The following TSPAN18 variants were observed in gnomAD, a reference collection of about 807,000 sequenced individuals.
TSPAN18 encodes the protein tetraspanin-18.
In TSPAN18, 14 loss-of-function variants were observed where a neutral mutation model predicts 27.3. That is an observed-to-expected ratio of 0.51 (90% CI 0.34 to 0.80). The LOEUF (loss-of-function observed/expected upper bound fraction) is 0.80. TSPAN18 is among the 30% of genes least tolerant of loss of function. The pLI is 0.01. For missense variants in TSPAN18, 268 were observed against 323.9 expected (o/e 0.83, Z 1.32); for synonymous variants, 143 against 136.5 (o/e 1.05, Z -0.33).
At chr11:44,880,024 G>A (rs766713515) in intron 3 of TSPAN18, among the ~76,000 whole-genome samples, 10 of 152,226 alleles carry the variant, frequency 6.6e-5, no homozygotes, top group Non-Finnish European at 1.3e-4. Context: ...CCAAGGAGGC[G>A]ACGCTGGGGG....
chr11:44,801,588 A>G (rs1467494236), intron 2 of TSPAN18, among the ~76,000 whole-genome samples: 1 of 152,228 alleles, frequency 6.6e-6, no homozygotes, highest in Non-Finnish European at 1.5e-5. Context: ...ATATCTTCAT[A>G]AGTTAGCAGT....
chr11:44,897,843 A>G (rs545439708), intron 3 of TSPAN18: 19 of 1,289,388 alleles, frequency 1.5e-5, no homozygotes, highest in Middle Eastern at 2.1e-4. Flanking sequence ...CACATTGGCA[A>G]TAGCCTCTCC....
chr11:44,818,318 C>T (rs139917032), intron 2 of TSPAN18, among the ~76,000 whole-genome samples: 144 of 152,280 alleles, frequency 9.5e-4, no homozygotes, highest in East Asian at 3.9e-3. Flanking sequence ...TCCTCCAGGA[C>T]GCAGCCCTCC....
chr11:44,818,625 C>G (rs1856861767), intron 2 of TSPAN18, among the ~76,000 whole-genome samples: 1 of 152,170 alleles, frequency 6.6e-6, no homozygotes, highest in African/African-American at 2.4e-5. Flanking sequence ...CTGCCCTATC[C>G]CCACATCTTC....
At chr11:44,740,492 C>T (rs775818230) in intron 1 of TSPAN18, among the ~76,000 whole-genome samples, 47 of 152,166 alleles carry the variant, frequency 3.1e-4, no homozygotes, top group Non-Finnish European at 1.8e-4. Flanking sequence ...TGCTGAGGGG[C>T]TGGGACTGGG....
intron 5 of TSPAN18, among the ~76,000 whole-genome samples, chr11:44,914,574 A>T (rs910700844): frequency 6.6e-6 from 1 of 152,206 alleles, no homozygotes; most frequent in Non-Finnish European, 1.5e-5. Context: ...TGTAGAAACC[A>T]TAAGACCTCG....
At chr11:44,912,275 C>A (rs1249582024) in intron 5 of TSPAN18, among the ~76,000 whole-genome samples, 2 of 152,106 alleles carry the variant, frequency 1.3e-5, no homozygotes, top group Admixed American at 1.3e-4. Context: ...ACCGCCTCGG[C>A]CTCTCAGAGT....
At chr11:44,781,233 C>T (rs1227620599) in intron 2 of TSPAN18, among the ~76,000 whole-genome samples, 1 of 152,208 alleles carries the variant, frequency 6.6e-6, no homozygotes, top group East Asian at 1.9e-4. Flanking sequence ...GCATATTGAG[C>T]ATGGTGGGTG....
chr11:44,894,962 G>C (rs1858990181), intron 3 of TSPAN18, among the ~76,000 whole-genome samples: 1 of 152,192 alleles, frequency 6.6e-6, no homozygotes, highest in Non-Finnish European at 1.5e-5. Context: ...TGCTAACCAG[G>C]TAAATGAACT....
intron 2 of TSPAN18, among the ~76,000 whole-genome samples, chr11:44,774,993 T>C (rs1361098395): frequency 1.3e-5 from 2 of 152,188 alleles, no homozygotes; most frequent in South Asian, 2.1e-4. Context: ...CTGCTTTTTT[T>C]CCCCATCTCT....
chr11:44,848,232 C>T (rs1165263412), intron 2 of TSPAN18, among the ~76,000 whole-genome samples: 1 of 152,106 alleles, frequency 6.6e-6, no homozygotes, highest in Non-Finnish European at 1.5e-5. Context: ...GCTGACCTTG[C>T]CCCTGCCCTG....
intron 2 of TSPAN18, among the ~76,000 whole-genome samples, chr11:44,790,565 TGTGTGTGTGC>T (rs1856191965): frequency 7.0e-6 from 1 of 143,382 alleles, no homozygotes; most frequent in African/African-American, 2.5e-5. Flanking sequence ...CATGTGTTCG[TGTGTGTGTGC>T]ATGTGTGTGC....
chr11:44,747,734 A>G (rs1367089637), intron 1 of TSPAN18, among the ~76,000 whole-genome samples: 1 of 150,620 alleles, frequency 6.6e-6, no homozygotes, highest in Non-Finnish European at 1.5e-5. Context: ...TCACTCCTGC[A>G]CTCATCTCCT....
At chr11:44,792,056 A>AT (rs1346935543) in intron 2 of TSPAN18, among the ~76,000 whole-genome samples, 1 of 152,180 alleles carries the variant, frequency 6.6e-6, no homozygotes, top group African/African-American at 2.4e-5. Context: ...AGACAGTTGA[A>AT]TAGGTATTCA....
rs1158422659 is a variant in TSPAN18 at position 44,802,298 on chromosome 11, G to T, written c.-153+37786G>T. Among the ~76,000 whole-genome samples, 3 of 151,440 alleles carry T rather than the reference G, an allele frequency of 2.0e-5. No individual in the cohort carries two copies. In the East Asian group the frequency reaches 5.9e-4, roughly 30 times the overall value. On this transcript the variant is annotated intron_variant, in intron 2 of 9. Coordinates refer to ENST00000520358, the MANE Select transcript of TSPAN18 (RefSeq NM_130783.5). ...GAGATGGGTTCTGGGACCCAGAGAAGCGAAGCACAAAGTGGTTGAGGTGGG... is the reference window on the plus strand; with the variant it reads ...GAGATGGGTTCTGGGACCCAGAGAATCGAAGCACAAAGTGGTTGAGGTGGG...
At chr11:44,786,068 G>A (rs866504338) in intron 2 of TSPAN18, among the ~76,000 whole-genome samples, 3 of 152,262 alleles carry the variant, frequency 2.0e-5, no homozygotes, top group Non-Finnish European at 2.9e-5. Context: ...GCCCCACCCA[G>A]CTAGCTGTCA....
In TSPAN18 at chr11:44,882,587, G is replaced by GACACAC. The variant is rs748475836; in HGVS notation, c.-11+22154_-11+22159dup. Among the ~76,000 whole-genome samples the GACACAC allele has an allele frequency of 1.9e-3, 255 of 130,844 alleles. 2 individuals carry two copies. The highest frequency in any genetic ancestry group is 6.1e-3 in the African/African-American group (203 of 33,536). The allele number at this position is 130,844 out of a possible 152,430, so 85.8% of individuals were successfully genotyped here. On this transcript the variant is annotated intron_variant, in intron 3 of 9. Coordinates refer to ENST00000520358, the MANE Select transcript of TSPAN18 (RefSeq NM_130783.5). ...TCACCAGGAAATGGTCAGAGAGAGAGACACACACACACACACACACACACA... is the reference window on the plus strand; with the variant it reads ...TCACCAGGAAATGGTCAGAGAGAGAGACACACACACACACACACACACACACACACA...
rs567754346 is a variant in TSPAN18 at position 44,903,228 on chromosome 11, G to A, written c.-10-3179G>A. 7.5e-5 allele frequency: 27 copies of A among 361,052 alleles called. 1 individual carries two copies. Among genetic ancestry groups the A allele is most frequent in the Middle Eastern group, 1.0e-3 (1 of 992 alleles). The allele number at this position is 361,052 out of a possible 1,614,324, so 22.4% of individuals were successfully genotyped here. On this transcript the variant is annotated intron_variant, in intron 3 of 9. Transcript: ENST00000520358. ...GGGGAATCAGGGAAGGCTTCCTGGCGGAGGTGATGCCTGTGACGAGTCTTA... is the reference window on the plus strand; with the variant it reads ...GGGGAATCAGGGAAGGCTTCCTGGCAGAGGTGATGCCTGTGACGAGTCTTA...
At position 44,931,463 on chromosome 11, in the gene TSPAN18, G is replaced by C. The variant is rs1026910643; in HGVS notation, c.*2285G>C. The C allele has an allele frequency of 6.5e-6, 1 of 154,300 alleles. No homozygotes were observed. The highest frequency in any genetic ancestry group is 1.9e-4 in the East Asian group (1 of 5,210). 9.6% of individuals were successfully genotyped at this position (154,300 alleles called of 1,614,324 possible). ...GAGGGAGGACCCAAGAGAAAGGGCT[G>C]GTCATGAAGGGAAATCTGGCTAAGG... On this transcript the variant is annotated 3_prime_UTR_variant, in exon 10 of 10. Coordinates refer to ENST00000520358, the MANE Select transcript of TSPAN18 (RefSeq NM_130783.5).
Sources: allele counts gnomAD v4.1 joint callset (sites outside exome capture counted in the v4.1 genomes callset), GRCh38; gene constraint gnomAD v4.1.1; transcripts MANE v1.5; gene names NCBI Gene and HGNC (gene_info 2026-07-23, HGNC 2026-07-21).